Variants in MRTFB observed in about 807,000 individuals in gnomAD.
The protein encoded by MRTFB is myocardin-related transcription factor B.
In MRTFB, 29 loss-of-function variants were observed where a neutral mutation model predicts 104.2. That is an observed-to-expected ratio of 0.28 (90% CI 0.21 to 0.38). The LOEUF is 0.38. Among genes scored for constraint, MRTFB ranks in the 10% least tolerant of loss-of-function variants. The probability of loss-of-function intolerance (pLI) is 1.00; values close to 1 mark genes in which losing one functional copy is unlikely to be tolerated. For synonymous variants in MRTFB, 535 were observed against 519.5 expected, an observed-to-expected ratio of 1.03 and a Z score of -0.41; for missense variants, 1,270 against 1,341.6, an observed-to-expected ratio of 0.95 and a Z score of 0.83.
intron 8 of MRTFB, among the ~76,000 whole-genome samples, chr16:14,219,361 T>C (rs2041581625): frequency 6.6e-6 from 1 of 152,248 alleles, no homozygotes; most frequent in South Asian, 2.1e-4. Flanking sequence ...GGTAATTGCA[T>C]TGGAAATTTA....
chr16:14,083,398 G>A (rs976020793), intron 2 of MRTFB, among the ~76,000 whole-genome samples: 3 of 152,212 alleles, frequency 2.0e-5, no homozygotes, highest in African/African-American at 7.2e-5. Flanking sequence ...TTGGCTGGCA[G>A]TGATGTGGAC....
intron 3 of MRTFB, among the ~76,000 whole-genome samples, chr16:14,171,046 A>G (rs1260817063): frequency 1.3e-5 from 2 of 152,114 alleles, no homozygotes; most frequent in East Asian, 1.9e-4. Context: ...AGATTTGGCC[A>G]CCTCCTTCAA....
At chr16:14,033,790 C>A in the MRTFB span, among the ~76,000 whole-genome samples, 1 of 143,980 alleles carries the variant, frequency 6.9e-6, no homozygotes, top group African/African-American at 2.6e-5. Flanking sequence ...GTGCTGAGAT[C>A]GCGCCACTGC....
chr16:14,073,272 A>G (rs1484822109), intron 1 of MRTFB, among the ~76,000 whole-genome samples: 1 of 152,122 alleles, frequency 6.6e-6, no homozygotes, highest in African/African-American at 2.4e-5. Flanking sequence ...TGTCCCACCT[A>G]TGTGTTGTGT....
intron 2 of MRTFB, among the ~76,000 whole-genome samples, chr16:14,138,155 CT>C (rs2037816429): frequency 6.6e-6 from 1 of 152,060 alleles, no homozygotes; most frequent in African/African-American, 2.4e-5. Context: ...CCTCTTTCAT[CT>C]TTTATGCTAT....
chr16:14,259,936 A>G (rs967250022), intron 16 of MRTFB, among the ~76,000 whole-genome samples: 4 of 152,234 alleles, frequency 2.6e-5, no homozygotes, highest in African/African-American at 9.6e-5. Context: ...TCTCTCAGCC[A>G]TTTGCACATA....
chr16:14,261,297 G>C lies in MRTFB; in HGVS notation c.3153G>C (p.Leu1051=), dbSNP rs1268026348. The change falls in exon 17 of 17, where the codon CTG becomes CTC. Residue 1051 remains leucine (L), a synonymous_variant. Transcript: ENST00000571589. ...GTACTCCCTGTCTGTCTCTCGACCTGTCAGACTCAAACTTGGACAACATGG... is the reference window on the plus strand; with the variant it reads ...GTACTCCCTGTCTGTCTCTCGACCTCTCAGACTCAAACTTGGACAACATGG... ...AAGTPCLSLD[L]SDSNLDNMEW... 9 of 1,614,000 alleles carry C rather than the reference G, an allele frequency of 5.6e-6. No individual in the cohort carries two copies. In the African/African-American group the frequency reaches 1.2e-4, roughly 22 times the overall value.
chr16:14,200,190 A>C, intron 3 of MRTFB: 2 of 932,940 alleles, frequency 2.1e-6, no homozygotes, highest in Non-Finnish European at 3.2e-6. Context: ...GATATTCATT[A>C]TAGCATTATT....
At chr16:14,109,992 A>G (rs1022133693) in intron 2 of MRTFB, among the ~76,000 whole-genome samples, 10 of 152,344 alleles carry the variant, frequency 6.6e-5, no homozygotes, top group Middle Eastern at 3.4e-3. Flanking sequence ...AGGAAAAAGG[A>G]AACCATAAGG....
intron 7 of MRTFB, among the ~76,000 whole-genome samples, chr16:14,218,048 C>CGT (rs2041503921): frequency 6.6e-6 from 1 of 152,014 alleles, no homozygotes; most frequent in South Asian, 2.1e-4. Flanking sequence ...CTCCTTGTCA[C>CGT]GTTTTTTTGT....
At chr16:14,155,993 T>A (rs1404415048) in intron 3 of MRTFB, among the ~76,000 whole-genome samples, 1 of 152,176 alleles carries the variant, frequency 6.6e-6, no homozygotes, top group East Asian at 1.9e-4. Flanking sequence ...CTCTGTCTCC[T>A]CAGTTCAGCA....
chr16:14,041,043 A>C, the MRTFB span, among the ~76,000 whole-genome samples: 1 of 152,086 alleles, frequency 6.6e-6, no homozygotes, highest in African/African-American at 2.4e-5. Context: ...TGAGGCATGA[A>C]GATCTTGTGA....
the MRTFB span, among the ~76,000 whole-genome samples, chr16:14,022,746 C>CTTTTTTT: frequency 2.5e-4 from 22 of 88,666 alleles, no homozygotes; most frequent in African/African-American, 9.4e-4. Context: ...TAATACTGTT[C>CTTTTTTT]TTTTTTTTTT....
rs1185489083 is a variant in MRTFB, at chr16:14,246,940, G to T, written c.1680G>T (p.Leu560=). ...EDSLSPTSST[L]SNLELDAAEK... ...GTCTGAGTCCCACCAGCAGCACTCT[G>T]TCAAACCTGGAACTGGATGCAGCCG... The change falls in exon 12 of 17, where the codon CTG becomes CTT. Residue 560 remains leucine, a synonymous_variant. Coordinates refer to ENST00000571589, the MANE Select transcript of MRTFB (RefSeq NM_001308142.2). 6.2e-7 allele frequency: 1 copy of T among 1,614,046 alleles called. No homozygotes were observed.
intron 13 of MRTFB, among the ~76,000 whole-genome samples, chr16:14,250,783 C>T (rs1289735103): frequency 1.3e-5 from 2 of 152,048 alleles, no homozygotes; most frequent in Admixed American, 6.6e-5. Context: ...GAAGGCCAGG[C>T]GCAGGACAGC....
At chr16:14,052,373 A>G in the MRTFB span, among the ~76,000 whole-genome samples, 1 of 152,162 alleles carries the variant, frequency 6.6e-6, no homozygotes. Flanking sequence ...GGGTATTTAA[A>G]ATATCCATTA....
intron 10 of MRTFB, among the ~76,000 whole-genome samples, chr16:14,243,080 G>T (rs2042846726): frequency 6.6e-6 from 1 of 151,644 alleles, no homozygotes; most frequent in South Asian, 2.1e-4. Flanking sequence ...CTCTTTCGGG[G>T]GACAATAATG....
At chr16:14,025,096 G>T in the MRTFB span, among the ~76,000 whole-genome samples, 5 of 152,178 alleles carry the variant, frequency 3.3e-5, no homozygotes, top group African/African-American at 1.2e-4. Flanking sequence ...GTTGTTTAAA[G>T]TTCAAAACTT....
the MRTFB span, among the ~76,000 whole-genome samples, chr16:14,056,331 C>T: frequency 6.6e-6 from 1 of 151,952 alleles, no homozygotes; most frequent in African/African-American, 2.4e-5. Flanking sequence ...TTCCTCCTTT[C>T]CTTCCTTCCT....
Sources: allele counts gnomAD v4.1 joint callset (sites outside exome capture counted in the v4.1 genomes callset), GRCh38; gene constraint gnomAD v4.1.1; transcripts MANE v1.5; gene names NCBI Gene and HGNC (gene_info 2026-07-23, HGNC 2026-07-21).